Variants in ERMP1 observed in about 807,000 individuals in gnomAD.
The protein encoded by ERMP1 is endoplasmic reticulum metallopeptidase 1.
A neutral mutation model predicts 92.0 loss-of-function variants in ERMP1; 86 were observed. The observed-to-expected ratio is 0.93, with a 90% confidence interval of 0.79 to 1.12. The LOEUF is 1.12. Ranked by LOEUF, ERMP1 falls within the 50% of genes most tolerant of loss-of-function variation. The pLI, the probability that ERMP1 is intolerant of heterozygous loss-of-function variation, is 0.00. For missense variants in ERMP1, 1,342 were observed against 1,116.3 expected, an observed-to-expected ratio of 1.20 and a Z score of -2.88; for synonymous variants, 530 against 412.8, an observed-to-expected ratio of 1.28 and a Z score of -3.44.
intron 12 of ERMP1, among the ~76,000 whole-genome samples, chr9:5,798,349 T>C (rs1828531099): frequency 6.6e-6 from 1 of 152,036 alleles, no homozygotes; most frequent in Non-Finnish European, 1.5e-5. Flanking sequence ...CCCGAGTACC[T>C]GGGATTACAG....
At chr9:5,865,666 T>C (rs962368433) in intron 5 of ERMP1, among the ~76,000 whole-genome samples, 3 of 150,794 alleles carry the variant, frequency 2.0e-5, no homozygotes, top group African/African-American at 7.3e-5. Context: ...TACTAAAACC[T>C]GGTCTCTACT....
chr9:5,806,273 T>C (rs903180010), intron 8 of ERMP1, among the ~76,000 whole-genome samples: 1 of 152,196 alleles, frequency 6.6e-6, no homozygotes, highest in African/African-American at 2.4e-5. Flanking sequence ...ATGAGTTTTT[T>C]CTATCTCCAG....
At chr9:5,807,872 T>C (rs1586789836) in intron 8 of ERMP1, among the ~76,000 whole-genome samples, 1 of 152,186 alleles carries the variant, frequency 6.6e-6, no homozygotes, top group Non-Finnish European at 1.5e-5. Context: ...TCAGTCTCAC[T>C]TCATCCCACA....
At chr9:5,821,649 T>C (rs564804333) in intron 4 of ERMP1, among the ~76,000 whole-genome samples, 9 of 152,136 alleles carry the variant, frequency 5.9e-5, no homozygotes, top group South Asian at 2.1e-4. Context: ...TGCATTAATA[T>C]ATATGTACAT....
Position 5,812,087 on chromosome 9 carries a change from T to C in ERMP1, c.1114+38A>G, listed in dbSNP as rs1437064648. 7 of 1,235,140 alleles carry C rather than the reference T, an allele frequency of 5.7e-6. No homozygotes were observed. In the East Asian group the frequency reaches 9.3e-5, roughly 16 times the overall value. The allele number at this position is 1,235,140 out of a possible 1,614,324, so 76.5% of individuals were successfully genotyped here. On this transcript the variant is annotated intron_variant, in intron 6 of 14. Coordinates refer to ENST00000339450, the MANE Select transcript of ERMP1 (RefSeq NM_024896.3). Reference sequence around the variant, plus strand: ...TTTATGTATCATCCCTAACATTCCATCTTAGTGTATATCAAAAGTCTAAAT... The same window carrying C: ...TTTATGTATCATCCCTAACATTCCACCTTAGTGTATATCAAAAGTCTAAAT...
At chr9:5,837,000 T>TA (rs1209677144), upstream of ERMP1, among the ~76,000 whole-genome samples, 1 of 152,174 alleles carries the variant, frequency 6.6e-6, no homozygotes, top group African/African-American at 2.4e-5. Flanking sequence ...ACAGAGAAGT[T>TA]AGAGAACAAG....
At chr9:5,842,454 A>G (rs1202712858) in intron 6 of ERMP1, among the ~76,000 whole-genome samples, 2 of 150,968 alleles carry the variant, frequency 1.3e-5, no homozygotes, top group Non-Finnish European at 3.0e-5. Context: ...AAAAAAAGAA[A>G]GAAAAGAAAA....
At position 5,811,160 on chromosome 9, in the gene ERMP1, C is replaced by A. The variant is rs1285456822; in HGVS notation, c.1278G>T (p.Met426Ile). ...IGSIINYMVV[M>I]GVVLYLGKKF... is the part of the protein sequence containing the mutation. Reference sequence around the variant, plus strand: ...TTTTGCCCAGGTACAAAACAACACCCATTACCACCATGTAGTTTATGATTG... The same window carrying A: ...TTTTGCCCAGGTACAAAACAACACCAATTACCACCATGTAGTTTATGATTG... Residue 426 changes from methionine (M) to isoleucine (I), a missense_variant, in exon 7 of 15, where the codon ATG becomes ATT. By Grantham distance (10) the Met-to-Ile change is conservative. Transcript: ENST00000339450. 6.2e-7 allele frequency: 1 copy of A among 1,613,798 alleles called. No individual in the cohort carries two copies. Among genetic ancestry groups the A allele is most frequent in the Non-Finnish European group, 8.5e-7 (1 of 1,179,950 alleles).
At chr9:5,861,727 T>TTG (rs1438695903) in intron 5 of ERMP1, among the ~76,000 whole-genome samples, 3 of 143,672 alleles carry the variant, frequency 2.1e-5, no homozygotes, top group African/African-American at 2.6e-5. Flanking sequence ...GTTTTTTTTT[T>TTG]TTTTTTTTTT....
At chr9:5,824,089 G>T in intron 3 of ERMP1, 88 bp from the exon 4 acceptor site, 1 of 945,666 alleles carries the variant, frequency 1.1e-6, no homozygotes, top group Non-Finnish European at 1.7e-6. Flanking sequence ...AGACTACTTT[G>T]ATGAGGTAAG....
At chr9:5,826,745 ACT>A (rs997709901) in intron 2 of ERMP1, among the ~76,000 whole-genome samples, 1 of 152,110 alleles carries the variant, frequency 6.6e-6, no homozygotes, top group African/African-American at 2.4e-5. Context: ...AATGAAATAA[ACT>A]CTCTTTTTAA....
At position 5,833,042 on chromosome 9, in the gene ERMP1, G is replaced by A. The variant is rs747132914; in HGVS notation, c.-15C>T. The stretch of plus-strand genomic sequence containing the variant: ...CCCCACTCCATGGCCACGAGCCTCA[G>A]CTGCCAGCCCAACCGCCCCAACCCG... On this transcript the variant is annotated 5_prime_UTR_variant, in exon 1 of 15. Transcript: ENST00000339450. The A allele has an allele frequency of 3.4e-6, 5 of 1,473,838 alleles. No individual in the cohort carries two copies. The Admixed American group carries it at 7.2e-5, about 21-fold the overall frequency. 91.3% of individuals were successfully genotyped at this position (1,473,838 alleles called of 1,614,324 possible).
chr9:5,797,801 CTA>C lies in ERMP1; in HGVS notation c.2386+14_2386+15del, dbSNP rs1344089282. The stretch of plus-strand genomic sequence containing the variant: ...AAGAAATAAAGGAGGGGAGAAAAAA[CTA>C]TTATATGACTTACCTGTTGCTTCAA... On this transcript the variant is annotated intron_variant, in intron 13 of 14. Coordinates refer to ENST00000339450, the MANE Select transcript of ERMP1 (RefSeq NM_024896.3). 6.7e-7 allele frequency: 1 copy of C among 1,482,312 alleles called. No homozygotes were observed. The highest frequency in any genetic ancestry group is 1.2e-5 in the South Asian group (1 of 83,306). 91.8% of individuals were successfully genotyped at this position (1,482,312 alleles called of 1,614,324 possible). A position where few individuals can be genotyped will look rare whatever the true frequency, so the allele number is the denominator to read the frequency against.
rs1829035862 is a variant in ERMP1 at position 5,810,154 on chromosome 9, G to A, written c.1405C>T (p.Leu469Phe). ...ISWFTSLVTV[L>F]IIAVFISLIG... ...AGAGAGATGAACACTGCTATAATGA[G>A]AACGGTAACAAGGCTAGTGAACCAG... Residue 469 changes from leucine to phenylalanine, a missense_variant, in exon 8 of 15, where the codon CTC (leucine) becomes TTC (phenylalanine). Transcript: ENST00000339450. 1.2e-6 allele frequency: 2 copies of A among 1,614,026 alleles called. No homozygotes were observed. Among genetic ancestry groups the A allele is most frequent in the East Asian group, 2.2e-5 (1 of 44,874 alleles).
At chr9:5,799,117 A>G in intron 11 of ERMP1, 109 bp from the exon 12 acceptor site, 1 of 715,176 alleles carries the variant, frequency 1.4e-6, no homozygotes, top group Admixed American at 2.5e-5. Context: ...GTGGATATGG[A>G]GCAAGTGAAT....
chr9:5,827,346 A>G (rs913428077), intron 2 of ERMP1, among the ~76,000 whole-genome samples: 3 of 152,190 alleles, frequency 2.0e-5, no homozygotes, highest in Non-Finnish European at 4.4e-5. Context: ...ACTAACAATC[A>G]CTGATGAGCT....
Position 5,819,728 on chromosome 9 carries a change from A to T in ERMP1, c.874+4168T>A, listed in dbSNP as rs187241962. Among the ~76,000 whole-genome samples, 7 of 152,318 alleles carry T rather than the reference A, an allele frequency of 4.6e-5. No homozygotes were observed. The East Asian group carries it at 1.3e-3, about 29-fold the overall frequency. ...AGAGTCTCCCTCTGTTATTTAGATT[A>T]ACAATCTGAAATACATTACACTAAG... On this transcript the variant is annotated intron_variant, in intron 4 of 14. Transcript: ENST00000339450.
chr9:5,866,621 C>A (rs894954529), intron 5 of ERMP1, among the ~76,000 whole-genome samples: 1 of 152,154 alleles, frequency 6.6e-6, no homozygotes, highest in Admixed American at 6.5e-5. Context: ...GAACTGGAGG[C>A]ATGGGAAACT....
At chr9:5,853,011 G>C (rs913822232) in intron 6 of ERMP1, among the ~76,000 whole-genome samples, 2 of 152,136 alleles carry the variant, frequency 1.3e-5, no homozygotes, top group Non-Finnish European at 1.5e-5. Flanking sequence ...GATTAACAGG[G>C]GAAAAAGCAT....
Sources: gnomAD v4.1 joint callset for allele counts (sites outside exome capture counted in the v4.1 genomes callset) on GRCh38, gnomAD v4.1.1 for gene constraint, MANE v1.5 for transcripts, NCBI Gene and HGNC (gene_info 2026-07-23, HGNC 2026-07-21) for gene names.